RBM20: variants seen among roughly 807,000 people sequenced by gnomAD.
The protein encoded by RBM20 is RNA-binding protein 20.
Under a neutral mutation model 110.1 loss-of-function variants are expected in RBM20, and 51 were observed. That is an observed-to-expected ratio of 0.46 (90% confidence interval 0.37 to 0.59). The LOEUF (loss-of-function observed/expected upper bound fraction) is 0.59, where lower values mean the gene tolerates loss of function less well. Among genes scored for constraint, RBM20 ranks in the 20% least tolerant of loss-of-function variants. RBM20 has a pLI of 0.00. For synonymous variants in RBM20, 589 were observed against 618.2 expected (o/e 0.95, Z 0.70); for missense variants, 1,512 against 1,574.9 (o/e 0.96, Z 0.68).
chr10:110,643,665 C>A (rs1490092157), upstream of RBM20, among the ~76,000 whole-genome samples: 1 of 152,198 alleles, frequency 6.6e-6, no homozygotes, highest in Non-Finnish European at 1.5e-5. Flanking sequence ...AACCAGAAAC[C>A]CACGGTGGCC....
chr10:110,756,397 G>A (rs919651541), intron 1 of RBM20: 3 of 152,242 alleles, frequency 2.0e-5, no homozygotes, highest in Admixed American at 1.3e-4. Context: ...TTCCTATACA[G>A]AGAACACAAG....
intron 1 of RBM20, among the ~76,000 whole-genome samples, chr10:110,726,593 C>T (rs1335642803): frequency 6.6e-6 from 1 of 152,174 alleles, no homozygotes; most frequent in Non-Finnish European, 1.5e-5. Flanking sequence ...GACTAACACC[C>T]GCTTCTTTGG....
chr10:110,721,084 A>T lies in RBM20; in HGVS notation c.192-59717A>T, dbSNP rs545932967. Among the ~76,000 whole-genome samples the T allele has an allele frequency of 6.6e-5, 10 of 152,250 alleles. No individual in the cohort carries two copies. In the East Asian group the frequency reaches 1.9e-3, roughly 29 times the overall value. ...CAGGCACCTGCTCAGTTGCCGCCACATGGAGAGGCCTTCCCTGGCCCTATC... is the reference window on the plus strand; with the variant it reads ...CAGGCACCTGCTCAGTTGCCGCCACTTGGAGAGGCCTTCCCTGGCCCTATC... On this transcript the variant is annotated intron_variant, in intron 1 of 13. Coordinates refer to ENST00000369519, the MANE Select transcript of RBM20 (RefSeq NM_001134363.3).
chr10:110,707,571 C>T (rs1444905992), intron 1 of RBM20, among the ~76,000 whole-genome samples: 1 of 152,078 alleles, frequency 6.6e-6, no homozygotes, highest in Non-Finnish European at 1.5e-5. Context: ...TATTACTCAG[C>T]TATAAAAAGG....
At chr10:110,831,623 C>T (rs1845052739) in intron 13 of RBM20, 1 of 136,568 alleles carries the variant, frequency 7.3e-6, no homozygotes, top group Non-Finnish European at 1.5e-5. Context: ...TCTAGTTTTT[C>T]TCTGTTTCTG....
chr10:110,742,728 T>C (rs542144290), intron 1 of RBM20, among the ~76,000 whole-genome samples: 1 of 152,342 alleles, frequency 6.6e-6, no homozygotes, highest in Admixed American at 6.5e-5. Context: ...AGCTGGTCTA[T>C]ATTTTAGTAG....
chr10:110,817,418 C>T (rs942075), intron 9 of RBM20, among the ~76,000 whole-genome samples: 72,097 of 152,064 alleles, frequency 0.47, 17,953 homozygotes, highest in East Asian at 0.72. Context: ...AACCCTTATG[C>T]TTCAGAGCCT....
chr10:110,758,822 G>A lies in RBM20; in HGVS notation c.192-21979G>A, dbSNP rs1372025177. 5.3e-5 allele frequency among the ~76,000 whole-genome samples: 8 copies of A among 152,282 alleles called. No individual in the cohort carries two copies. In the East Asian group the frequency reaches 7.7e-4, roughly 15 times the overall value. On this transcript the variant is annotated intron_variant, in intron 1 of 13. Transcript: ENST00000369519. ...GAACAGTGCAGATGAGGGGAAGGAC[G>A]TTTCAGGTAGGGAGGGCAGCTTGTG...
chr10:110,783,690 T>A (rs768999702), intron 3 of RBM20, among the ~76,000 whole-genome samples: 17 of 152,240 alleles, frequency 1.1e-4, no homozygotes, highest in Non-Finnish European at 2.1e-4. Context: ...TGCGTGGGCG[T>A]GTGCCTCCCT....
intron 5 of RBM20, among the ~76,000 whole-genome samples, chr10:110,792,189 A>G (rs978250303): frequency 6.7e-6 from 1 of 148,456 alleles, no homozygotes; most frequent in Non-Finnish European, 1.5e-5. Flanking sequence ...CTATCTATCT[A>G]TGTATCCATC....
chr10:110,820,175 A>C lies in RBM20; in HGVS notation c.2654A>C (p.Lys885Thr). ...GATCCGGAAAACACAAGGACAAAGA[A>C]GGTAAAGTTTGTTTCAGATTCTGCA... ...FSDPENTRTK[K>T]EQDWESESEA... Residue 885 changes from lysine (K) to threonine (T), a missense_variant and splice_region_variant, in exon 10 of 14, where the codon AAG (lysine) becomes ACG (threonine). Around this residue, in one of 3 missense-constraint regions of RBM20, gnomAD observed 1,149 missense variants for 1,169.4 expected, o/e 0.98. Transcript: ENST00000369519. 1.9e-6 allele frequency: 3 copies of C among 1,548,250 alleles called. No individual in the cohort carries two copies. In the South Asian group the frequency reaches 3.6e-5, roughly 18 times the overall value.
chr10:110,712,642 C>T (rs1862952088), intron 1 of RBM20, among the ~76,000 whole-genome samples: 1 of 152,190 alleles, frequency 6.6e-6, no homozygotes, highest in Admixed American at 6.5e-5. Context: ...CAGTGCCTGC[C>T]TTTAATCCCA....
At chr10:110,718,113 GCAGTGGGCC>G (rs1843458474) in intron 1 of RBM20, among the ~76,000 whole-genome samples, 1 of 152,184 alleles carries the variant, frequency 6.6e-6, no homozygotes, top group South Asian at 2.1e-4. Context: ...ACCCTTGCAT[GCAGTGGGCC>G]TGGAGTCAGC....
intron 12 of RBM20, among the ~76,000 whole-genome samples, chr10:110,830,293 TC>T (rs1845033972): frequency 6.6e-6 from 1 of 152,200 alleles, no homozygotes; most frequent in Non-Finnish European, 1.5e-5. Flanking sequence ...ACATTGTCAC[TC>T]CTCTCTGGCG....
chr10:110,690,800 C>T (rs1438068952), intron 1 of RBM20, among the ~76,000 whole-genome samples: 1 of 152,152 alleles, frequency 6.6e-6, no homozygotes, highest in Non-Finnish European at 1.5e-5. Context: ...ATCCATTCAT[C>T]TGTTGATGGC....
At chr10:110,653,734 T>C (rs1273972617) in intron 1 of RBM20, among the ~76,000 whole-genome samples, 1 of 152,156 alleles carries the variant, frequency 6.6e-6, no homozygotes, top group Non-Finnish European at 1.5e-5. Context: ...TTTTGTATTT[T>C]TTGTAGAGAT....
chr10:110,818,312 A>AAAAAC (rs1430917134), intron 9 of RBM20, among the ~76,000 whole-genome samples: 27 of 146,338 alleles, frequency 1.8e-4, no homozygotes, highest in South Asian at 9.5e-4. Flanking sequence ...AAAAAACCAA[A>AAAAAC]ACGACAATAT....
chr10:110,812,974 A>G, intron 9 of RBM20, 27 bp downstream of exon 9: 1 of 1,386,112 alleles, frequency 7.2e-7, no homozygotes, highest in Non-Finnish European at 9.6e-7. Flanking sequence ...TCCCCAGGTA[A>G]GGCGAGGCAG....
At chr10:110,780,704 T>C (rs754161899) in intron 1 of RBM20, 97 bp from the exon 2 acceptor site, 88 of 1,379,106 alleles carry the variant, frequency 6.4e-5, no homozygotes, top group Non-Finnish European at 8.1e-5. Context: ...GGGAAGGTCT[T>C]GTTTATGTGG....
Sources: gnomAD v4.1 joint callset for allele counts (sites outside exome capture counted in the v4.1 genomes callset) on GRCh38, gnomAD v4.1.1 for gene constraint, gnomAD v4.1.1 regional missense constraint, MANE v1.5 for transcripts, NCBI Gene and HGNC (gene_info 2026-07-23, HGNC 2026-07-21) for gene names.